The following RASA3 variants were observed in gnomAD, a reference collection of about 807,000 sequenced individuals.
The protein encoded by RASA3 is ras GTPase-activating protein 3.
Under a neutral mutation model 110.0 loss-of-function variants are expected in RASA3, and 73 were observed. The ratio of observed to expected loss-of-function variants is 0.66; its 90% CI spans 0.55 to 0.81. The LOEUF (loss-of-function observed/expected upper bound fraction) is 0.81. RASA3 is among the 30% of genes least tolerant of loss of function. The pLI is 0.00. For missense variants in RASA3, 976 were observed against 1,113.2 expected (o/e 0.88, Z 1.75); for synonymous variants, 500 against 451.4 (o/e 1.11, Z -1.37).
At chr13:114,007,950 C>G (rs1390679069) in intron 17 of RASA3, among the ~76,000 whole-genome samples, 2 of 121,630 alleles carry the variant, frequency 1.6e-5, no homozygotes, top group Admixed American at 7.9e-5. Context: ...AGGAGCAGAG[C>G]CCTGGGGCCT....
chr13:114,079,294 GAACA>G (rs2079742200), intron 1 of RASA3, among the ~76,000 whole-genome samples: 1 of 152,214 alleles, frequency 6.6e-6, no homozygotes, highest in South Asian at 2.1e-4. Context: ...AAATAACGTG[GAACA>G]GGTGATGGCG....
intron 3 of RASA3, among the ~76,000 whole-genome samples, chr13:114,043,382 G>A (rs1479824865): frequency 6.6e-6 from 1 of 152,128 alleles, no homozygotes; most frequent in African/African-American, 2.4e-5. Flanking sequence ...AGGGGAGCCG[G>A]CTGCACCTCA....
chr13:114,040,246 C>G (rs539362303), intron 4 of RASA3, among the ~76,000 whole-genome samples: 1 of 152,296 alleles, frequency 6.6e-6, no homozygotes, highest in East Asian at 1.9e-4. Flanking sequence ...AGAGCCTGCG[C>G]TCACTCCGAC....
At chr13:114,074,388 G>A (rs1296769104) in intron 1 of RASA3, among the ~76,000 whole-genome samples, 2 of 152,188 alleles carry the variant, frequency 1.3e-5, no homozygotes, top group Non-Finnish European at 2.9e-5. Flanking sequence ...TGTCCTTTCA[G>A]CCCGGCTCAC....
intron 2 of RASA3, among the ~76,000 whole-genome samples, chr13:114,072,149 C>T (rs1167435850): frequency 6.6e-6 from 1 of 152,182 alleles, no homozygotes; most frequent in African/African-American, 2.4e-5. Context: ...CTGCCTGGCA[C>T]ACTCTCCCTG....
At chr13:114,078,092 A>G (rs2079723149) in intron 1 of RASA3, 1 of 804,812 alleles carries the variant, frequency 1.2e-6, no homozygotes, top group Non-Finnish European at 1.5e-6. Context: ...AGCTGCTCAG[A>G]CCAGGAGGGC....
chr13:113,984,140 C>T (rs1780671393), intron 22 of RASA3, among the ~76,000 whole-genome samples: 1 of 69,924 alleles, frequency 1.4e-5, no homozygotes, highest in Admixed American at 1.5e-4. Flanking sequence ...TCGATCCACC[C>T]ATCATCACTC....
In RASA3 at chr13:114,062,229, TA is replaced by T. The variant is rs1594407020; in HGVS notation, c.174-10075del. Among the ~76,000 whole-genome samples the T allele has an allele frequency of 2.6e-5, 4 of 151,768 alleles. No homozygotes were observed. In the South Asian group the frequency reaches 6.2e-4, roughly 24 times the overall value. On this transcript the variant is annotated intron_variant, in intron 2 of 23. Transcript: ENST00000334062. ...CTTATGATTTTAATTTTGTTTGCTTTAAAAAAAACACATGCATAGGAAAGAA... is the reference window on the plus strand; with the variant it reads ...CTTATGATTTTAATTTTGTTTGCTTTAAAAAAACACATGCATAGGAAAGAA...
rs1406957941 is a variant in RASA3 at position 114,014,103 on chromosome 13, CCT to C, written c.1406-857_1406-856del. ...GTCTCTGCCTCTCTCTCCGTCTCTC[CCT>C]GTCTCTCTCTCTCTCTCCTTGTCTC... On this transcript the variant is annotated intron_variant, in intron 14 of 23. Transcript: ENST00000334062. This position sits in a 1 kb window ranked among gnomAD's most constrained non-coding sequence, Gnocchi z 4.5. Among the ~76,000 whole-genome samples the C allele has an allele frequency of 1.6e-3, 221 of 139,422 alleles. No homozygotes were observed. The highest frequency in any genetic ancestry group is 5.1e-3 in the African/African-American group (192 of 37,724). 91.5% of individuals were successfully genotyped at this position (139,422 alleles called of 152,430 possible).
At chr13:114,043,786 G>C (rs1381961461) in intron 3 of RASA3, among the ~76,000 whole-genome samples, 1 of 150,994 alleles carries the variant, frequency 6.6e-6, no homozygotes, top group Non-Finnish European at 1.5e-5. Flanking sequence ...CGCAGACCAC[G>C]AGGGTGGACG....
chr13:114,037,004 G>A (rs540895211), intron 4 of RASA3, among the ~76,000 whole-genome samples: 5 of 152,144 alleles, frequency 3.3e-5, no homozygotes, highest in Admixed American at 1.3e-4. Context: ...ACAACAGCTC[G>A]CATTTGCCTT....
In RASA3 at chr13:114,056,420, C is replaced by T. The variant is rs2079246402; in HGVS notation, c.174-4265G>A. The T allele has an allele frequency of 1.0e-6, 1 of 982,924 alleles. No homozygotes were observed. The allele number at this position is 982,924 out of a possible 1,614,324, so 60.9% of individuals were successfully genotyped here. ...CCACCCTGATGCACAGGGTGGGAAA[C>T]CGAGGCACTCCAACATCTGATGAAA... On this transcript the variant is annotated intron_variant, in intron 2 of 23. Coordinates refer to ENST00000334062, the MANE Select transcript of RASA3 (RefSeq NM_007368.4). This position sits in a 1 kb window ranked among gnomAD's most constrained non-coding sequence, Gnocchi z 5.7.
chr13:114,113,623 A>G (rs1309576018), intron 1 of RASA3, among the ~76,000 whole-genome samples: 1 of 141,828 alleles, frequency 7.1e-6, no homozygotes, highest in East Asian at 2.1e-4. Flanking sequence ...CACCACGGCG[A>G]GTGATGTCCG....
Position 114,015,288 on chromosome 13 carries a change from A to G in RASA3, c.1326T>C (p.Thr442=), listed in dbSNP as rs2274717. The G allele has an allele frequency of 0.65, 1,040,359 of 1,612,874 alleles. 338,878 individuals are homozygous for G. Among genetic ancestry groups the G allele is most frequent in the African/African-American group, 0.88 (65,783 of 75,030 alleles). ...CGGTCGGGCAGCTCACCCCAGACTC[A>G]GTGATGGCGTGGAAGACGCGGTCCA... is the stretch of plus-strand genomic sequence containing the variant. ...QYVDRVFHAI[T]ESGVSCPTVM... is the part of the protein sequence containing the mutation. The change falls in exon 14 of 24, where the codon ACT becomes ACC. Residue 442 remains threonine, a synonymous_variant. Coordinates refer to ENST00000334062, the MANE Select transcript of RASA3 (RefSeq NM_007368.4).
intron 1 of RASA3, among the ~76,000 whole-genome samples, chr13:114,099,418 G>A (rs1028766674): frequency 6.6e-6 from 1 of 151,896 alleles, no homozygotes; most frequent in Non-Finnish European, 1.5e-5. Context: ...GGTCGGGGAG[G>A]GAGGGCGACT....
chr13:114,017,652 CAG>C (rs1352191167), intron 11 of RASA3, among the ~76,000 whole-genome samples: 1 of 152,224 alleles, frequency 6.6e-6, no homozygotes, highest in South Asian at 2.1e-4. Flanking sequence ...TCTGCCTGTG[CAG>C]AGAGTTGGGC....
intron 14 of RASA3, among the ~76,000 whole-genome samples, chr13:114,013,977 GA>G (rs2053728839): frequency 1.7e-5 from 1 of 60,570 alleles, no homozygotes; most frequent in Non-Finnish European, 3.5e-5. Context: ...TCTCCGTCTC[GA>G]TCTCTCTCTC....
At chr13:114,131,742 ACACACACGCGCC>A (rs537826607) in intron 1 of RASA3, among the ~76,000 whole-genome samples, 31 of 151,530 alleles carry the variant, frequency 2.0e-4, no homozygotes, top group African/African-American at 6.0e-4. Context: ...AAACGCGCGC[ACACACACGCGCC>A]CACACACAAA....
intron 1 of RASA3, among the ~76,000 whole-genome samples, chr13:114,122,027 C>T (rs2080385363): frequency 6.6e-6 from 1 of 152,202 alleles, no homozygotes; most frequent in Admixed American, 6.5e-5. Context: ...GATTCCAGTC[C>T]GTGGGGCCCA....
Sources: gnomAD v4.1 joint callset for allele counts (sites outside exome capture counted in the v4.1 genomes callset) on GRCh38, gnomAD v4.1.1 for gene constraint, Gnocchi (gnomAD v3.1) non-coding constraint, MANE v1.5 for transcripts, NCBI Gene and HGNC (gene_info 2026-07-23, HGNC 2026-07-21) for gene names.